The following GABRG2 variants were observed in gnomAD, a reference collection of about 807,000 sequenced individuals.
The protein encoded by GABRG2 is gamma-aminobutyric acid type A receptor subunit gamma2, also known as gamma-aminobutyric acid receptor subunit gamma-2.
In GABRG2, 16 loss-of-function variants were observed where a neutral mutation model predicts 56.4. The ratio of observed to expected loss-of-function variants is 0.28; its 90% CI spans 0.19 to 0.43. The LOEUF (loss-of-function observed/expected upper bound fraction) is 0.43. GABRG2 is among the 20% of genes least tolerant of loss of function. GABRG2 has a pLI of 1.00. For synonymous variants in GABRG2, 208 were observed against 205.5 expected (o/e 1.01, Z -0.10); for missense variants, 327 against 582.7 (o/e 0.56, Z 4.52).
intron 7 of GABRG2, 178 bp downstream of exon 7, chr5:162,142,494 C>A: frequency 1.6e-6 from 1 of 643,614 alleles, no homozygotes; most frequent in South Asian, 1.7e-5. Flanking sequence ...GACTTGGAAC[C>A]AACCCAAATG....
intron 1 of GABRG2, among the ~76,000 whole-genome samples, chr5:162,093,524 T>C (rs1760770713): frequency 6.6e-6 from 1 of 152,126 alleles, no homozygotes; most frequent in African/African-American, 2.4e-5. Flanking sequence ...AGTTTTCTTA[T>C]AATTCCTTCA....
chr5:162,121,117 A>C (rs1259891430), intron 6 of GABRG2, among the ~76,000 whole-genome samples: 2 of 152,148 alleles, frequency 1.3e-5, no homozygotes, highest in Non-Finnish European at 2.9e-5. Flanking sequence ...AGTATGGACC[A>C]ATGTCTGTGG....
At chr5:162,074,792 T>A (rs1758957071) in intron 1 of GABRG2, among the ~76,000 whole-genome samples, 1 of 152,152 alleles carries the variant, frequency 6.6e-6, no homozygotes, top group South Asian at 2.1e-4. Context: ...CTGGGATTTT[T>A]GCATTATAGA....
rs112997590 is a variant in GABRG2, at chr5:162,141,185, C to T, written c.770-979C>T. ...CCGAGTAGCTGGGACTACAGGCGCC[C>T]GCCACACCACCAGGCTAATTTTTTG... On this transcript the variant is annotated intron_variant, in intron 6 of 9. Transcript: ENST00000639213. Among the ~76,000 whole-genome samples the T allele has an allele frequency of 4.3e-3, 648 of 152,164 alleles. 7 individuals carry two copies. The highest frequency in any genetic ancestry group is 0.015 in the African/African-American group (609 of 41,516).
At chr5:162,122,841 T>G (rs1561652033) in intron 6 of GABRG2, among the ~76,000 whole-genome samples, 1 of 151,606 alleles carries the variant, frequency 6.6e-6, no homozygotes, top group East Asian at 1.9e-4. Flanking sequence ...AGTCAAAGAC[T>G]TTGTAAAGCA....
At chr5:162,094,594 C>G (rs1760860246) in intron 2 of GABRG2, 3 of 154,454 alleles carry the variant, frequency 1.9e-5, no homozygotes. Context: ...CACTGGCACA[C>G]TCGCTTTTGT....
intron 1 of GABRG2, among the ~76,000 whole-genome samples, chr5:162,078,393 ATATATTTT>A (rs1759349886): frequency 3.0e-5 from 1 of 33,268 alleles, no homozygotes; most frequent in East Asian, 8.1e-4. Context: ...ATATATATAT[ATATATTTT>A]TTTTTTTTTT....
At chr5:162,152,088 C>T (rs1765416292) in intron 9 of GABRG2, 2 of 235,974 alleles carry the variant, frequency 8.5e-6, no homozygotes, top group African/African-American at 4.5e-5. Flanking sequence ...AGTTTGTACT[C>T]TTTTAAAACT....
rs1762619914 is a variant in GABRG2 at position 162,116,263 on chromosome 5, T to C, written c.769+12237T>C. ...CTATCTATCTATCTAATCTATCCTT[T>C]ATCTATTTATCTTAAGCTGATTGCA... On this transcript the variant is annotated intron_variant, in intron 6 of 9. Coordinates refer to ENST00000639213, the MANE Select transcript of GABRG2 (RefSeq NM_198904.4). Among the ~76,000 whole-genome samples, 3 of 151,882 alleles carry C rather than the reference T, an allele frequency of 2.0e-5. No individual in the cohort carries two copies. The South Asian group carries it at 6.2e-4, about 32-fold the overall frequency.
intron 6 of GABRG2, among the ~76,000 whole-genome samples, chr5:162,125,623 C>A (rs1217722381): frequency 6.6e-6 from 1 of 151,584 alleles, no homozygotes; most frequent in Admixed American, 6.6e-5. Context: ...CAAAGAACAG[C>A]AAGAAGTTCA....
chr5:162,134,633 C>G (rs1471513584), intron 6 of GABRG2, among the ~76,000 whole-genome samples: 3 of 152,168 alleles, frequency 2.0e-5, no homozygotes, highest in Admixed American at 6.5e-5. Flanking sequence ...CTGATATTTG[C>G]CCTTGCAGTG....
At chr5:162,146,529 G>A (rs1000953410) in intron 7 of GABRG2, among the ~76,000 whole-genome samples, 2 of 152,010 alleles carry the variant, frequency 1.3e-5, no homozygotes, top group African/African-American at 2.4e-5. Context: ...CATAATTATG[G>A]ATTCCTATTC....
chr5:162,072,363 T>C (rs1197118054), intron 1 of GABRG2, among the ~76,000 whole-genome samples: 3 of 151,998 alleles, frequency 2.0e-5, no homozygotes, highest in Admixed American at 6.6e-5. Flanking sequence ...TACATACTTA[T>C]CGTTCTCCAA....
intron 6 of GABRG2, among the ~76,000 whole-genome samples, chr5:162,116,110 ATGTGTGTGTGTG>A (rs34083256): frequency 4.7e-5 from 6 of 127,148 alleles, no homozygotes; most frequent in Non-Finnish European, 6.9e-5. Flanking sequence ...GTGTGCGTGC[ATGTGTGTGTGTG>A]TGTGTGTGTG....
In GABRG2 at chr5:162,093,898, A is replaced by G. The variant is rs1760801995; in HGVS notation, c.178A>G (p.Lys60Glu). The G allele has an allele frequency of 6.2e-7, 1 of 1,613,306 alleles. No homozygotes were observed. Among genetic ancestry groups the G allele is most frequent in the East Asian group, 2.2e-5 (1 of 44,800 alleles). The change falls in exon 2 of 10, where the codon AAA (lysine) becomes GAA (glutamate). Residue 60 changes from lysine to glutamate, a missense_variant. Transcript: ENST00000639213. ...ASNKTWVLTP[K>E]VPEGDVTVIL... ...TAACAAAACATGGGTCTTGACTCCA[A>G]AAGTTCCTGAGGGTGATGTCACTGT...
At chr5:162,112,476 C>T (rs1762323366) in intron 6 of GABRG2, among the ~76,000 whole-genome samples, 1 of 151,996 alleles carries the variant, frequency 6.6e-6, no homozygotes, top group African/African-American at 2.4e-5. Context: ...ATACTCTACA[C>T]ATAAACTAAT....
intron 1 of GABRG2, among the ~76,000 whole-genome samples, chr5:162,077,073 C>CTGTGTG (rs55938019): frequency 0.031 from 4,617 of 146,670 alleles, 81 homozygotes; most frequent in African/African-American, 0.039. Context: ...ACAACTACCC[C>CTGTGTG]TGTGTGTGTG....
intron 1 of GABRG2, among the ~76,000 whole-genome samples, chr5:162,069,961 C>T (rs1758538899): frequency 6.6e-6 from 1 of 151,998 alleles, no homozygotes; most frequent in Admixed American, 6.6e-5. Flanking sequence ...TTTGACTCAT[C>T]TCCATCTTAG....
intron 6 of GABRG2, among the ~76,000 whole-genome samples, chr5:162,130,119 A>T (rs2113531577): frequency 6.6e-6 from 1 of 152,100 alleles, no homozygotes; most frequent in East Asian, 1.9e-4. Flanking sequence ...TTTAAAATAT[A>T]TATTGGCAAT....
Sources: allele counts gnomAD v4.1 joint callset (sites outside exome capture counted in the v4.1 genomes callset), GRCh38; gene constraint gnomAD v4.1.1; transcripts MANE v1.5; gene names NCBI Gene and HGNC (gene_info 2026-07-23, HGNC 2026-07-21).